RBM47: variants seen among roughly 807,000 people sequenced by gnomAD.
The protein encoded by RBM47 is RNA binding motif protein 47.
RBM47 carries 21 observed loss-of-function variants against 47.1 expected under a neutral mutation model. That is an observed-to-expected ratio of 0.45 (90% CI 0.32 to 0.64). The LOEUF is 0.64. Among genes scored for constraint, RBM47 ranks in the 30% least tolerant of loss-of-function variants. RBM47 has a pLI of 0.05. For synonymous variants in RBM47, 375 were observed against 361.7 expected, an observed-to-expected ratio of 1.04 and a Z score of -0.42; for missense variants, 708 against 870.9, an observed-to-expected ratio of 0.81 and a Z score of 2.35.
At chr4:40,525,781 A>G (rs1042038616) in intron 2 of RBM47, among the ~76,000 whole-genome samples, 4 of 152,236 alleles carry the variant, frequency 2.6e-5, no homozygotes, top group Non-Finnish European at 5.9e-5. Flanking sequence ...GGGAAGCTCC[A>G]GGGCCCTTGG....
intron 2 of RBM47, among the ~76,000 whole-genome samples, chr4:40,480,553 C>T (rs1214110814): frequency 6.6e-6 from 1 of 152,138 alleles, no homozygotes; most frequent in African/African-American, 2.4e-5. Context: ...TTTGAGATGG[C>T]ATCTTTGGAG....
intron 1 of RBM47, among the ~76,000 whole-genome samples, chr4:40,585,292 G>T (rs1319762751): frequency 6.6e-6 from 1 of 152,106 alleles, no homozygotes; most frequent in East Asian, 1.9e-4. Context: ...TGGAATTTGT[G>T]AGCCAAATGA....
intron 6 of RBM47, among the ~76,000 whole-genome samples, chr4:40,427,812 A>G (rs1056910524): frequency 1.4e-4 from 22 of 152,052 alleles, no homozygotes; most frequent in African/African-American, 5.1e-4. Context: ...CTTCTAGCCT[A>G]AGATTACTTT....
intron 2 of RBM47, among the ~76,000 whole-genome samples, chr4:40,538,034 C>T (rs955396672): frequency 1.1e-4 from 16 of 151,966 alleles, no homozygotes; most frequent in Non-Finnish European, 2.2e-4. Flanking sequence ...GAAAGTTCTT[C>T]AGTCTGCATC....
intron 2 of RBM47, among the ~76,000 whole-genome samples, chr4:40,527,807 C>A (rs1726899120): frequency 6.6e-6 from 1 of 151,606 alleles, no homozygotes; most frequent in South Asian, 2.1e-4. Context: ...GTGAATACTC[C>A]ATATGTACCA....
rs377563782 is a variant in RBM47 at position 40,512,843 on chromosome 4, C to G, written c.-155+31579G>C. ...TTTTGGATTCACATGGTATGGCTCTCTTTCCCTACTTGATAGACTCAAGCA... is the reference window on the plus strand; with the variant it reads ...TTTTGGATTCACATGGTATGGCTCTGTTTCCCTACTTGATAGACTCAAGCA... On this transcript the variant is annotated intron_variant, in intron 2 of 6. Transcript: ENST00000295971. Among the ~76,000 whole-genome samples the G allele has an allele frequency of 7.9e-5, 12 of 152,242 alleles. 1 individual carries two copies. Among genetic ancestry groups the G allele is most frequent in the African/African-American group, 2.9e-4 (12 of 41,562 alleles).
At chr4:40,581,623 G>A (rs1026623831) in intron 1 of RBM47, among the ~76,000 whole-genome samples, 1 of 151,522 alleles carries the variant, frequency 6.6e-6, no homozygotes, top group Non-Finnish European at 1.5e-5. Flanking sequence ...GAAGGTGGGG[G>A]TGGTGGGGGA....
At chr4:40,584,120 T>C (rs1415627065) in intron 1 of RBM47, among the ~76,000 whole-genome samples, 1 of 152,046 alleles carries the variant, frequency 6.6e-6, no homozygotes, top group Non-Finnish European at 1.5e-5. Flanking sequence ...CGCACCAACA[T>C]GCCCCGCTAA....
intron 6 of RBM47, among the ~76,000 whole-genome samples, chr4:40,430,855 G>A (rs957739276): frequency 1.3e-5 from 2 of 152,218 alleles, no homozygotes; most frequent in African/African-American, 2.4e-5. Flanking sequence ...GGGAGCTTGA[G>A]GTGGGAGGAT....
Position 40,593,077 on chromosome 4 carries a change from G to GC in RBM47, c.-240+36318_-240+36319insG, listed in dbSNP as rs1488586496. Among the ~76,000 whole-genome samples, 6 of 129,168 alleles carry GC rather than the reference G, an allele frequency of 4.6e-5. No homozygotes were observed. The East Asian group carries it at 7.8e-4, about 17-fold the overall frequency. The allele number at this position is 129,168 out of a possible 152,430, so 84.7% of individuals were successfully genotyped here. On this transcript the variant is annotated intron_variant, in intron 1 of 6. Coordinates refer to ENST00000295971, the MANE Select transcript of RBM47 (RefSeq NM_001098634.2). Reference sequence around the variant, plus strand: ...GTGGCGCGATTTTGGCTCACTGCAAGTCCGCCTCCCAGGTTCACGCCATTC... The same window carrying GC: ...GTGGCGCGATTTTGGCTCACTGCAAGCTCCGCCTCCCAGGTTCACGCCATTC...
At chr4:40,592,129 GA>G (rs1333309614) in intron 1 of RBM47, among the ~76,000 whole-genome samples, 2 of 152,158 alleles carry the variant, frequency 1.3e-5, no homozygotes. Flanking sequence ...TTCAAATGCA[GA>G]ATCTTTGACC....
In RBM47 at chr4:40,495,834, GCTCTCT is replaced by G. The variant is rs10597715; in HGVS notation, c.-154-29141_-154-29136del. Among the ~76,000 whole-genome samples, 8 of 151,378 alleles carry G rather than the reference GCTCTCT, an allele frequency of 5.3e-5. No individual in the cohort carries two copies. In the East Asian group the frequency reaches 1.2e-3, roughly 22 times the overall value. ...TCTGAAAAGTGGTCACATTGTGCGC[GCTCTCT>G]CTCTCTCTCTTTCCTCTGTAGTAGA... On this transcript the variant is annotated intron_variant, in intron 2 of 6. Coordinates refer to ENST00000295971, the MANE Select transcript of RBM47 (RefSeq NM_001098634.2).
At chr4:40,465,153 A>C (rs1379656808) in intron 3 of RBM47, among the ~76,000 whole-genome samples, 2 of 152,132 alleles carry the variant, frequency 1.3e-5, no homozygotes, top group African/African-American at 4.8e-5. Context: ...ACATGAAGAC[A>C]AAGTACCTAT....
chr4:40,457,174 C>T (rs1160799147), intron 3 of RBM47, among the ~76,000 whole-genome samples: 2 of 151,114 alleles, frequency 1.3e-5, no homozygotes, highest in African/African-American at 2.4e-5. Context: ...AATCCCAGCA[C>T]TTTTGGAGGC....
chr4:40,520,334 T>C (rs942777170), intron 2 of RBM47, among the ~76,000 whole-genome samples: 2 of 152,328 alleles, frequency 1.3e-5, no homozygotes, highest in African/African-American at 4.8e-5. Flanking sequence ...AGTGGAGTTT[T>C]TTCTCTATTG....
chr4:40,430,131 G>C (rs1050574970), intron 6 of RBM47, among the ~76,000 whole-genome samples: 1 of 152,080 alleles, frequency 6.6e-6, no homozygotes, highest in Non-Finnish European at 1.5e-5. Context: ...GGAGGCGGAG[G>C]TTGCAGTAAG....
At chr4:40,517,531 TA>T (rs1044867914) in intron 2 of RBM47, among the ~76,000 whole-genome samples, 2 of 151,980 alleles carry the variant, frequency 1.3e-5, no homozygotes, top group Admixed American at 6.6e-5. Flanking sequence ...TAAATTTTGA[TA>T]AAAAAAAGTT....
chr4:40,507,785 CA>C lies in RBM47; in HGVS notation c.-155+36636del, dbSNP rs111645919. 9.2e-4 allele frequency among the ~76,000 whole-genome samples: 137 copies of C among 148,924 alleles called. 2 individuals are homozygous for C. The highest frequency in any genetic ancestry group is 3.5e-3 in the Middle Eastern group (1 of 288). On this transcript the variant is annotated intron_variant, in intron 2 of 6. Transcript: ENST00000295971. ...TGGGCGACAGAGTGAGACTCCATCT[CA>C]AAAAAAAAGTCCAGAGCAAGTCTTA... is the stretch of plus-strand genomic sequence containing the variant.
rs1021209653 is a variant in RBM47 at position 40,437,106 on chromosome 4, T to C, written c.1124-459A>G. Among the ~76,000 whole-genome samples the C allele has an allele frequency of 3.4e-4, 26 of 76,102 alleles. 4 individuals carry two copies. The highest frequency in any genetic ancestry group is 5.4e-4 in the Non-Finnish European group (24 of 44,496). The allele number at this position is 76,102 out of a possible 152,430, so 49.9% of individuals were successfully genotyped here. ...AAAAAAAAAAATATATATATATATA[T>C]ATATAAAATACATATATATATATAT... is the stretch of plus-strand genomic sequence containing the variant. On this transcript the variant is annotated intron_variant, in intron 4 of 6. Transcript: ENST00000295971.
Sources: allele counts gnomAD v4.1 joint callset (sites outside exome capture counted in the v4.1 genomes callset), GRCh38; gene constraint gnomAD v4.1.1; transcripts MANE v1.5; gene names NCBI Gene and HGNC (gene_info 2026-07-23, HGNC 2026-07-21).